Variants in RARB observed in about 807,000 individuals in gnomAD.
The protein encoded by RARB is HBV-activated protein.
A neutral mutation model predicts 51.9 loss-of-function variants in RARB; 17 were observed. The observed-to-expected ratio is 0.33, with a 90% CI of 0.22 to 0.49. The LOEUF is 0.49. Ranked by LOEUF, RARB falls within the 20% of genes least tolerant of loss-of-function variation. The pLI is 0.99. For missense variants in RARB, 369 were observed against 550.8 expected, an observed-to-expected ratio of 0.67 and a Z score of 3.30; for synonymous variants, 215 against 195.4, an observed-to-expected ratio of 1.10 and a Z score of -0.84.
At chr3:25,254,710 G>A (rs1468205514) in intron 5 of RARB, among the ~76,000 whole-genome samples, 1 of 152,114 alleles carries the variant, frequency 6.6e-6, no homozygotes, top group African/African-American at 2.4e-5. Flanking sequence ...GACTTGGTCG[G>A]TCAGAGACTG....
At chr3:25,157,075 G>C (rs1032686811) in intron 4 of RARB, among the ~76,000 whole-genome samples, 3 of 152,158 alleles carry the variant, frequency 2.0e-5, no homozygotes, top group African/African-American at 7.2e-5. Flanking sequence ...TCTAAAAAAG[G>C]ATGTATGTAT....
intron 2 of RARB, among the ~76,000 whole-genome samples, chr3:25,013,661 T>G (rs1264034195): frequency 6.6e-6 from 1 of 151,978 alleles, no homozygotes; most frequent in East Asian, 1.9e-4. Flanking sequence ...TCAAGGACAA[T>G]ACAACCTACA....
chr3:24,864,477 T>C (rs1203393208), intron 2 of RARB, among the ~76,000 whole-genome samples: 1 of 152,198 alleles, frequency 6.6e-6, no homozygotes, highest in Non-Finnish European at 1.5e-5. Context: ...AAGCACCTTA[T>C]TCTGTCTTCT....
At chr3:25,532,211 G>A (rs943423812) in intron 3 of RARB, among the ~76,000 whole-genome samples, 8 of 152,196 alleles carry the variant, frequency 5.3e-5, no homozygotes, top group Non-Finnish European at 1.0e-4. Flanking sequence ...TAATTATGGT[G>A]TGCTATGAAT....
At chr3:25,121,585 G>A (rs1254050020) in intron 3 of RARB, among the ~76,000 whole-genome samples, 2 of 152,136 alleles carry the variant, frequency 1.3e-5, no homozygotes, top group Non-Finnish European at 2.9e-5. Context: ...AGAATCCAAT[G>A]TGTAGGTGGA....
At chr3:25,129,359 T>G (rs1373217207) in intron 3 of RARB, among the ~76,000 whole-genome samples, 2 of 152,112 alleles carry the variant, frequency 1.3e-5, no homozygotes, top group African/African-American at 2.4e-5. Context: ...TATGTCTTTT[T>G]TGTGTGTGAA....
chr3:25,139,453 C>T (rs1700078114), intron 4 of RARB, among the ~76,000 whole-genome samples: 1 of 152,146 alleles, frequency 6.6e-6, no homozygotes, highest in South Asian at 2.1e-4. Flanking sequence ...TCAAACCAGT[C>T]ACAACATTCC....
At chr3:24,992,778 T>C (rs1037887970) in intron 2 of RARB, among the ~76,000 whole-genome samples, 4 of 152,320 alleles carry the variant, frequency 2.6e-5, no homozygotes, top group African/African-American at 4.8e-5. Context: ...ATCACCCATA[T>C]GACCTCATTT....
chr3:25,256,592 C>A (rs1048718051), intron 5 of RARB, among the ~76,000 whole-genome samples: 2 of 152,000 alleles, frequency 1.3e-5, no homozygotes, highest in Non-Finnish European at 2.9e-5. Context: ...AACGTATAAC[C>A]ATGAGTTCAG....
chr3:25,252,751 A>G (rs1702759017), intron 5 of RARB, among the ~76,000 whole-genome samples: 1 of 152,124 alleles, frequency 6.6e-6, no homozygotes, highest in Non-Finnish European at 1.5e-5. Context: ...TTTTTTGTGG[A>G]AGGACTGCTT....
chr3:25,329,297 T>C (rs1007315511), intron 5 of RARB, among the ~76,000 whole-genome samples: 35 of 152,156 alleles, frequency 2.3e-4, no homozygotes, highest in African/African-American at 8.4e-4. Flanking sequence ...TGACACCTCA[T>C]ACGGCCGGGT....
chr3:25,099,203 G>A (rs1353769022), intron 3 of RARB, among the ~76,000 whole-genome samples: 4 of 152,152 alleles, frequency 2.6e-5, no homozygotes, highest in Non-Finnish European at 5.9e-5. Context: ...ATAGCAGTTC[G>A]TTTGTCTGAC....
chr3:25,375,093 C>T (rs541829812), intron 5 of RARB, among the ~76,000 whole-genome samples: 1 of 152,202 alleles, frequency 6.6e-6, no homozygotes, highest in Admixed American at 6.5e-5. Flanking sequence ...ATCATTACTC[C>T]ACGGTGCTAG....
At chr3:24,926,335 A>G (rs1449217245) in intron 2 of RARB, among the ~76,000 whole-genome samples, 1 of 152,102 alleles carries the variant, frequency 6.6e-6, no homozygotes, top group African/African-American at 2.4e-5. Context: ...AAATCAAGGT[A>G]TTGTTTCACA....
intron 2 of RARB, among the ~76,000 whole-genome samples, chr3:24,904,713 G>A (rs181643069): frequency 6.3e-4 from 96 of 152,250 alleles, no homozygotes; most frequent in Middle Eastern, 3.4e-3. Flanking sequence ...ACATGCACAC[G>A]TATGTTTACT....
chr3:25,375,280 C>T lies in RARB; in HGVS notation c.179-85913C>T, dbSNP rs1365831107. Among the ~76,000 whole-genome samples, 4 of 152,294 alleles carry T rather than the reference C, an allele frequency of 2.6e-5. No individual in the cohort carries two copies. In the East Asian group the frequency reaches 7.7e-4, roughly 29 times the overall value. The stretch of plus-strand genomic sequence containing the variant: ...TCTCACTGATAACAATGTATTTCTA[C>T]CACCCTGTCACTAGGGCTGAATTAC... On this transcript the variant is annotated intron_variant, in intron 5 of 11. Coordinates refer to the RARB transcript ENST00000383772.
intron 2 of RARB, among the ~76,000 whole-genome samples, chr3:24,927,729 A>C (rs1001327044): frequency 6.6e-6 from 1 of 152,034 alleles, no homozygotes; most frequent in African/African-American, 2.4e-5. Context: ...TTTTTCCCTC[A>C]ATATACTAAC....
chr3:24,885,132 G>T (rs938097581), intron 2 of RARB, among the ~76,000 whole-genome samples: 1 of 152,002 alleles, frequency 6.6e-6, no homozygotes, highest in Admixed American at 6.6e-5. Flanking sequence ...GGAAGCTTTG[G>T]GAATAAAAGA....
intron 5 of RARB, among the ~76,000 whole-genome samples, chr3:25,190,071 A>G (rs532123825): frequency 2.6e-5 from 4 of 152,178 alleles, no homozygotes; most frequent in African/African-American, 4.8e-5. Context: ...GTTTGGGTCA[A>G]TTTATCGATT....
Sources: allele counts gnomAD v4.1 joint callset (sites outside exome capture counted in the v4.1 genomes callset), GRCh38; gene constraint gnomAD v4.1.1; transcripts MANE v1.5; gene names NCBI Gene and HGNC (gene_info 2026-07-23, HGNC 2026-07-21).